Variants in NAALADL2 observed in about 807,000 individuals in gnomAD.
The protein encoded by NAALADL2 is N-acetylated alpha-linked acidic dipeptidase like 2, also known as inactive N-acetylated-alpha-linked acidic dipeptidase-like protein 2.
In NAALADL2, 76 loss-of-function variants were observed where a neutral mutation model predicts 87.2. The observed-to-expected ratio is 0.87, with a 90% CI of 0.72 to 1.05. The LOEUF is 1.05. NAALADL2 is among the 50% of genes least tolerant of loss of function. NAALADL2 has a pLI of 0.00. For synonymous variants in NAALADL2, 354 were observed against 331.0 expected, an observed-to-expected ratio of 1.07 and a Z score of -0.75; for missense variants, 1,089 against 945.8, an observed-to-expected ratio of 1.15 and a Z score of -1.99.
chr3:174,692,460 C>T (rs767530734), intron 2 of NAALADL2, among the ~76,000 whole-genome samples: 3 of 152,078 alleles, frequency 2.0e-5, no homozygotes, highest in Non-Finnish European at 4.4e-5. Flanking sequence ...ATTATACAAA[C>T]TTAAAACAAT....
intron 5 of NAALADL2, among the ~76,000 whole-genome samples, 194 bp downstream of exon 5, chr3:175,324,519 G>C (rs1760442466): frequency 6.6e-6 from 1 of 152,122 alleles, no homozygotes; most frequent in African/African-American, 2.4e-5. Context: ...ATTGGATTTA[G>C]ACTGTAATGT....
At chr3:174,539,024 T>C (rs1721979479) in intron 1 of NAALADL2, among the ~76,000 whole-genome samples, 1 of 152,182 alleles carries the variant, frequency 6.6e-6, no homozygotes, top group Non-Finnish European at 1.5e-5. Context: ...TTTATTGAGA[T>C]CTGTCTTAGA....
At chr3:175,277,648 T>G (rs532152841) in intron 4 of NAALADL2, among the ~76,000 whole-genome samples, 30 of 152,296 alleles carry the variant, frequency 2.0e-4, no homozygotes, top group African/African-American at 6.7e-4. Flanking sequence ...TCAATGGATT[T>G]TTTTCATCAG....
intron 5 of NAALADL2, among the ~76,000 whole-genome samples, chr3:175,355,022 A>ATG (rs3067322): frequency 0.034 from 4,738 of 139,386 alleles, 99 homozygotes; most frequent in African/African-American, 0.05. Flanking sequence ...CTATATATAT[A>ATG]TGTGTGTGTG....
At chr3:175,331,775 A>G (rs1761431109) in intron 5 of NAALADL2, among the ~76,000 whole-genome samples, 1 of 152,208 alleles carries the variant, frequency 6.6e-6, no homozygotes, top group African/African-American at 2.4e-5. Context: ...AAAGAAAGAA[A>G]TAAAAAGACA....
intron 2 of NAALADL2, among the ~76,000 whole-genome samples, chr3:174,555,996 TGTGTGTGTGTGTGCGC>T (rs1467805430): frequency 7.3e-6 from 1 of 137,522 alleles, no homozygotes; most frequent in Non-Finnish European, 1.6e-5. Context: ...TGTGTGTGTG[TGTGTGTGTGTGTGCGC>T]GCACGTGAGT....
At chr3:175,220,475 A>G (rs1438330844) in intron 2 of NAALADL2, among the ~76,000 whole-genome samples, 1 of 151,998 alleles carries the variant, frequency 6.6e-6, no homozygotes, top group Non-Finnish European at 1.5e-5. Context: ...CAAAATTTTT[A>G]AATGCATTGC....
intron 5 of NAALADL2, among the ~76,000 whole-genome samples, chr3:175,367,708 A>C (rs1174618002): frequency 6.6e-6 from 1 of 152,150 alleles, no homozygotes; most frequent in Non-Finnish European, 1.5e-5. Flanking sequence ...TGGATTTTGT[A>C]TCCTGAAACT....
At chr3:175,324,360 G>A (rs770514298) in intron 5 of NAALADL2, 35 bp downstream of exon 5, 1 of 1,556,950 alleles carries the variant, frequency 6.4e-7, no homozygotes, top group Admixed American at 1.9e-5. Context: ...ATACTTGTAA[G>A]TAAGCATTAC....
chr3:175,797,736 A>G (rs1168891084), intron 13 of NAALADL2, among the ~76,000 whole-genome samples: 2 of 152,074 alleles, frequency 1.3e-5, no homozygotes, highest in African/African-American at 4.8e-5. Flanking sequence ...CTGTTTGACC[A>G]ATTCAATTTT....
At chr3:174,710,416 G>A (rs778738626) in intron 2 of NAALADL2, among the ~76,000 whole-genome samples, 1 of 151,684 alleles carries the variant, frequency 6.6e-6, no homozygotes, top group Non-Finnish European at 1.5e-5. Flanking sequence ...CACCACACCC[G>A]GCTAATTTTG....
At chr3:175,578,904 A>T (rs6766894) in intron 10 of NAALADL2, among the ~76,000 whole-genome samples, 139,910 of 152,296 alleles carry the variant, frequency 0.92, 64,351 homozygotes, top group Admixed American at 0.96. Flanking sequence ...TTAAGAAGAA[A>T]ATTTTCTTCA....
chr3:175,140,814 G>C (rs1316171256), intron 2 of NAALADL2, among the ~76,000 whole-genome samples: 1 of 152,108 alleles, frequency 6.6e-6, no homozygotes, highest in African/African-American at 2.4e-5. Flanking sequence ...AGGAAACAGA[G>C]GGAAGATGTT....
intron 1 of NAALADL2, among the ~76,000 whole-genome samples, chr3:174,962,261 C>T (rs566627096): frequency 1.3e-5 from 2 of 150,558 alleles, no homozygotes; most frequent in South Asian, 4.2e-4. Context: ...ATCAGAACCA[C>T]CCAGCTAAGT....
intron 2 of NAALADL2, among the ~76,000 whole-genome samples, chr3:174,664,521 C>G (rs1025622337): frequency 6.6e-6 from 1 of 152,108 alleles, no homozygotes; most frequent in Admixed American, 6.6e-5. Flanking sequence ...TGGATGTTGT[C>G]ATAAATATTT....
intron 2 of NAALADL2, among the ~76,000 whole-genome samples, chr3:174,685,076 C>T (rs564139423): frequency 3.4e-4 from 52 of 151,984 alleles, no homozygotes; most frequent in Non-Finnish European, 6.3e-4. Flanking sequence ...CCTAGTGTCA[C>T]GGTTTTAAAA....
chr3:175,409,065 G>A (rs1317183549), intron 5 of NAALADL2, among the ~76,000 whole-genome samples: 14 of 151,698 alleles, frequency 9.2e-5, no homozygotes, highest in Non-Finnish European at 1.0e-4. Context: ...AATGTATATA[G>A]CCACTATTGT....
rs190654311 is a variant in NAALADL2 at position 175,365,456 on chromosome 3, A to G, written c.1090+41131A>G. ...GTAAATTTTCTTAAACTGCACTACT[A>G]GTAAATGGAATAGAAGTCGCTTGGT... On this transcript the variant is annotated intron_variant, in intron 5 of 13. Coordinates refer to ENST00000454872, the MANE Select transcript of NAALADL2 (RefSeq NM_207015.3). 9.5e-5 allele frequency among the ~76,000 whole-genome samples: 14 copies of G among 147,900 alleles called. 1 individual carries two copies. Among genetic ancestry groups the G allele is most frequent in the African/African-American group, 3.4e-4 (14 of 40,792 alleles).
chr3:174,944,461 A>G (rs6784406), intron 1 of NAALADL2, among the ~76,000 whole-genome samples: 6,278 of 152,238 alleles, frequency 0.041, 439 homozygotes, highest in African/African-American at 0.14. Context: ...TCAGGGAGGT[A>G]CAATGCTGCT....
Sources: allele counts gnomAD v4.1 joint callset (sites outside exome capture counted in the v4.1 genomes callset), GRCh38; gene constraint gnomAD v4.1.1; transcripts MANE v1.5; gene names NCBI Gene and HGNC (gene_info 2026-07-23, HGNC 2026-07-21).